The following MRPL13 variants were observed in gnomAD, a reference collection of about 807,000 sequenced individuals.
MRPL13 encodes the protein large ribosomal subunit protein uL13m.
MRPL13 carries 33 observed loss-of-function variants against 29.0 expected under a neutral mutation model. That is an observed-to-expected ratio of 1.14 (90% CI 0.86 to 1.52). The LOEUF is 1.52. Ranked by LOEUF, MRPL13 falls within the 40% of genes most tolerant of loss-of-function variation. The pLI is 0.00. For missense variants in MRPL13, 227 were observed against 216.7 expected, an observed-to-expected ratio of 1.05 and a Z score of -0.30; for synonymous variants, 77 against 68.4, an observed-to-expected ratio of 1.13 and a Z score of -0.62.
chr8:120,407,898 T>C (rs974379225), intron 6 of MRPL13, among the ~76,000 whole-genome samples: 1 of 152,140 alleles, frequency 6.6e-6, no homozygotes, highest in Non-Finnish European at 1.5e-5. Flanking sequence ...TTTAAAAGAC[T>C]AAAATAATAT....
chr8:120,424,133 A>T (rs1307776850), intron 4 of MRPL13, among the ~76,000 whole-genome samples: 4 of 152,190 alleles, frequency 2.6e-5, no homozygotes, highest in Admixed American at 1.3e-4. Context: ...GGCAAACACT[A>T]ATCAAAAGTC....
At chr8:120,439,595 A>C (rs1261198680) in intron 2 of MRPL13, among the ~76,000 whole-genome samples, 1 of 152,188 alleles carries the variant, frequency 6.6e-6, no homozygotes, top group Non-Finnish European at 1.5e-5. Context: ...AGAACAGGCT[A>C]CTCACAAAAC....
intron 2 of MRPL13, among the ~76,000 whole-genome samples, chr8:120,433,580 C>A (rs1278091186): frequency 6.6e-6 from 1 of 152,026 alleles, no homozygotes; most frequent in African/African-American, 2.4e-5. Context: ...CAGATTGCCA[C>A]AAAGCAACTG....
At chr8:120,418,290 T>C (rs1029194905) in intron 5 of MRPL13, among the ~76,000 whole-genome samples, 9 of 152,126 alleles carry the variant, frequency 5.9e-5, no homozygotes, top group Non-Finnish European at 1.3e-4. Context: ...TGAATAAGCA[T>C]TATTTGTTTT....
In MRPL13 at chr8:120,419,933, T is replaced by C; in HGVS notation, c.312A>G (p.Val104=). ...GCAGCATGCCATAAATAGCTAGTTTTACAATCTGAAAGATATACATAGGAC... is the reference window on the plus strand; with the variant it reads ...GCAGCATGCCATAAATAGCTAGTTTCACAATCTGAAAGATATACATAGGAC... ...QLHLRDPVAI[V]KLAIYGMLPK... Residue 104 remains valine, a synonymous_variant, in exon 5 of 7, where the codon GTA becomes GTG. Transcript: ENST00000306185. The C allele has an allele frequency of 1.3e-6, 2 of 1,589,170 alleles. No individual in the cohort carries two copies. Among genetic ancestry groups the C allele is most frequent in the Non-Finnish European group, 1.7e-6 (2 of 1,168,078 alleles).
intron 4 of MRPL13, among the ~76,000 whole-genome samples, chr8:120,423,508 TAAAG>T (rs1180597507): frequency 6.6e-6 from 1 of 151,896 alleles, no homozygotes; most frequent in Non-Finnish European, 1.5e-5. Flanking sequence ...AGAGTACACA[TAAAG>T]AAACAATTAA....
chr8:120,398,014 G>A (rs1019502433), intron 6 of MRPL13, among the ~76,000 whole-genome samples: 25 of 152,340 alleles, frequency 1.6e-4, no homozygotes, highest in African/African-American at 5.5e-4. Flanking sequence ...AGCCCCTGGC[G>A]GGAGGGGTGG....
At chr8:120,438,636 T>G (rs1813081841) in intron 2 of MRPL13, among the ~76,000 whole-genome samples, 1 of 152,230 alleles carries the variant, frequency 6.6e-6, no homozygotes, top group African/African-American at 2.4e-5. Flanking sequence ...TCTCATTTAT[T>G]ATCTGCTGAT....
intron 5 of MRPL13, chr8:120,416,042 AG>A (rs1356100794): frequency 6.6e-6 from 1 of 152,216 alleles, no homozygotes; most frequent in Non-Finnish European, 1.5e-5. Context: ...TTACTATTAG[AG>A]GATTTTGCTG....
intron 2 of MRPL13, among the ~76,000 whole-genome samples, 184 bp from the exon 3 acceptor site, chr8:120,432,307 T>C (rs142869404): frequency 3.7e-4 from 56 of 152,182 alleles, no homozygotes; most frequent in Middle Eastern, 3.4e-3. Flanking sequence ...CATCTAAGTA[T>C]AGAAAGAGTT....
At chr8:120,419,823 A>C (rs1812847710) in intron 5 of MRPL13, 29 bp downstream of exon 5, 1 of 1,522,984 alleles carries the variant, frequency 6.6e-7, no homozygotes, top group East Asian at 2.4e-5. Context: ...ATTTTGGAAA[A>C]GCATTGTTAC....
At chr8:120,405,753 T>C (rs565803641) in intron 6 of MRPL13, among the ~76,000 whole-genome samples, 1 of 152,346 alleles carries the variant, frequency 6.6e-6, no homozygotes, top group East Asian at 1.9e-4. Context: ...GTAACCCATA[T>C]ATGGTAACAT....
At chr8:120,404,638 G>T (rs567857720) in intron 6 of MRPL13, among the ~76,000 whole-genome samples, 3 of 152,238 alleles carry the variant, frequency 2.0e-5, no homozygotes, top group Non-Finnish European at 2.9e-5. Flanking sequence ...AATAACACAT[G>T]CTGAGTGCTC....
At chr8:120,427,791 C>T (rs1374004047) in intron 3 of MRPL13, among the ~76,000 whole-genome samples, 5 of 151,712 alleles carry the variant, frequency 3.3e-5, no homozygotes, top group East Asian at 1.9e-4. Flanking sequence ...CAGTGAGCCC[C>T]CATCTCAAAA....
intron 5 of MRPL13, chr8:120,415,844 T>C (rs964854602): frequency 2.0e-5 from 3 of 152,200 alleles, no homozygotes; most frequent in Admixed American, 6.5e-5. Context: ...CTGTCAGATA[T>C]TTCCAAAGAT....
intron 2 of MRPL13, among the ~76,000 whole-genome samples, chr8:120,436,960 G>C (rs6469930): frequency 0.53 from 80,451 of 151,992 alleles, 24,567 homozygotes; most frequent in Non-Finnish European, 0.67. Context: ...TGATCAGATA[G>C]GTTACCATAA....
rs117104734 is a variant in MRPL13, at chr8:120,434,364, A to G, written c.152-2241T>C. Among the ~76,000 whole-genome samples the G allele has an allele frequency of 3.5e-3, 526 of 152,246 alleles. 1 individual carries two copies. Among genetic ancestry groups the G allele is most frequent in the Non-Finnish European group, 6.1e-3 (412 of 67,982 alleles). ...ACACTTAAAGTCTCACAACTATCTT[A>G]TTAGGTAAAGCTAACGTACTCCCTC... On this transcript the variant is annotated intron_variant, in intron 2 of 6. Transcript: ENST00000306185.
chr8:120,437,592 A>G (rs1813069461), intron 2 of MRPL13, among the ~76,000 whole-genome samples: 1 of 152,160 alleles, frequency 6.6e-6, no homozygotes, highest in Admixed American at 6.6e-5. Flanking sequence ...ACACGTTCAA[A>G]AAGTTCTCAA....
At chr8:120,400,864 A>C (rs1812587438) in intron 6 of MRPL13, among the ~76,000 whole-genome samples, 1 of 152,126 alleles carries the variant, frequency 6.6e-6, no homozygotes, top group Non-Finnish European at 1.5e-5. Context: ...ATGCAAGGAT[A>C]CTATAAACAG....
Sources: allele counts gnomAD v4.1 joint callset (sites outside exome capture counted in the v4.1 genomes callset), GRCh38; gene constraint gnomAD v4.1.1; transcripts MANE v1.5; gene names NCBI Gene and HGNC (gene_info 2026-07-23, HGNC 2026-07-21).